The following SGCD variants were observed in gnomAD, a reference collection of about 807,000 sequenced individuals.
SGCD encodes delta-sarcoglycan.
SGCD carries 18 observed loss-of-function variants against 36.6 expected under a neutral mutation model. That is an observed-to-expected ratio of 0.49 (90% CI 0.34 to 0.73). The LOEUF (loss-of-function observed/expected upper bound fraction) is 0.73. SGCD is among the 30% of genes least tolerant of loss of function. The probability of loss-of-function intolerance (pLI) is 0.01; values close to 1 mark genes in which losing one functional copy is unlikely to be tolerated. For synonymous variants in SGCD, 133 were observed against 130.6 expected (o/e 1.02, Z -0.12); for missense variants, 387 against 346.7 (o/e 1.12, Z -0.92).
intron 7 of SGCD, among the ~76,000 whole-genome samples, chr5:156,653,493 C>CTGTTTTTTTTTTTTTTTT (rs1763544872): frequency 6.2e-5 from 3 of 48,082 alleles, no homozygotes; most frequent in Non-Finnish European, 8.0e-5. Flanking sequence ...CTAAAGCTTG[C>CTGTTTTTTTTTTTTTTTT]TTTTTTTTTT....
At chr5:156,327,572 G>C (rs1422997916) in intron 1 of SGCD, among the ~76,000 whole-genome samples, 1 of 152,180 alleles carries the variant, frequency 6.6e-6, no homozygotes, top group Admixed American at 6.5e-5. Context: ...CCGTTCACTG[G>C]CAAGGAAGAT....
intron 7 of SGCD, among the ~76,000 whole-genome samples, chr5:156,745,234 C>G (rs1756890779): frequency 6.6e-6 from 1 of 152,156 alleles, no homozygotes; most frequent in African/African-American, 2.4e-5. Context: ...CCCTTCCACT[C>G]AGAGGACTAC....
chr5:156,559,055 G>A (rs1382872453), intron 4 of SGCD, among the ~76,000 whole-genome samples: 2 of 152,142 alleles, frequency 1.3e-5, no homozygotes, highest in Non-Finnish European at 2.9e-5. Flanking sequence ...TGAGTTGAAC[G>A]CCAGCTCTAC....
the SGCD span, among the ~76,000 whole-genome samples, chr5:155,776,972 A>G: frequency 6.6e-6 from 1 of 152,156 alleles, no homozygotes; most frequent in African/African-American, 2.4e-5. Flanking sequence ...GCAACCTTAT[A>G]AAAACACTAC....
chr5:155,824,276 T>TA, the SGCD span, among the ~76,000 whole-genome samples: 9 of 152,228 alleles, frequency 5.9e-5, no homozygotes, highest in African/African-American at 1.9e-4. Context: ...TTTCACTTGA[T>TA]AAGTTGCCTC....
intron 4 of SGCD, among the ~76,000 whole-genome samples, chr5:156,521,165 AT>A (rs1257459885): frequency 3.3e-5 from 5 of 152,178 alleles, no homozygotes; most frequent in Non-Finnish European, 7.3e-5. Flanking sequence ...GAAAATTGAA[AT>A]TGGACCCCTT....
chr5:156,404,002 T>C (rs999585776), intron 3 of SGCD, among the ~76,000 whole-genome samples: 3 of 151,982 alleles, frequency 2.0e-5, no homozygotes, highest in African/African-American at 7.3e-5. Flanking sequence ...GCCCAGCTAA[T>C]GTTTGTATTT....
chr5:156,469,593 C>T (rs1037371445), intron 3 of SGCD, among the ~76,000 whole-genome samples: 5 of 152,150 alleles, frequency 3.3e-5, no homozygotes, highest in Non-Finnish European at 7.4e-5. Flanking sequence ...CACCATGGGG[C>T]AGAAATACAA....
At chr5:155,914,484 A>AT (rs954107379) in intron 1 of SGCD, among the ~76,000 whole-genome samples, 1 of 152,152 alleles carries the variant, frequency 6.6e-6, no homozygotes, top group African/African-American at 2.4e-5. Context: ...TAGAAGTGTA[A>AT]TAAGGTCTAT....
chr5:156,423,407 TATA>T (rs1364470647), intron 3 of SGCD, among the ~76,000 whole-genome samples: 4 of 121,724 alleles, frequency 3.3e-5, no homozygotes, highest in East Asian at 4.2e-4. Flanking sequence ...TTTATTATAA[TATA>T]ATATATTATA....
At chr5:156,225,054 G>C (rs2127647674) in intron 3 of SGCD, among the ~76,000 whole-genome samples, 1 of 152,170 alleles carries the variant, frequency 6.6e-6, no homozygotes, top group South Asian at 2.1e-4. Context: ...CTCTGAAATA[G>C]AAACGTGAAT....
At chr5:156,315,670 C>T (rs542774872) in intron 3 of SGCD, among the ~76,000 whole-genome samples, 2 of 151,938 alleles carry the variant, frequency 1.3e-5, no homozygotes, top group East Asian at 3.9e-4. Context: ...TTTACTTTCC[C>T]ATCAGCAATA....
At chr5:155,792,017 G>C in the SGCD span, among the ~76,000 whole-genome samples, 1 of 152,098 alleles carries the variant, frequency 6.6e-6, no homozygotes, top group South Asian at 2.1e-4. Context: ...ATACTATAAG[G>C]CTATAATAAC....
chr5:156,752,954 G>C (rs1757203548), intron 7 of SGCD, among the ~76,000 whole-genome samples: 1 of 151,926 alleles, frequency 6.6e-6, no homozygotes, highest in Non-Finnish European at 1.5e-5. Flanking sequence ...CTTTCTCATG[G>C]GTTACTCACT....
chr5:156,110,149 A>G (rs181084850), intron 1 of SGCD, among the ~76,000 whole-genome samples: 16 of 152,302 alleles, frequency 1.1e-4, no homozygotes, highest in South Asian at 1.0e-3. Context: ...TCCAGAGCCA[A>G]GCCTCCTTGA....
At chr5:156,684,030 T>C (rs1328508567) in intron 7 of SGCD, among the ~76,000 whole-genome samples, 1 of 152,244 alleles carries the variant, frequency 6.6e-6, no homozygotes, top group African/African-American at 2.4e-5. Context: ...TGTAGATTCA[T>C]AAGCCAGGGA....
At chr5:156,575,651 T>C (rs1165589471) in intron 4 of SGCD, among the ~76,000 whole-genome samples, 2 of 152,200 alleles carry the variant, frequency 1.3e-5, no homozygotes, top group African/African-American at 4.8e-5. Context: ...TTCCTGGTTT[T>C]AAAGAGATAA....
intron 3 of SGCD, among the ~76,000 whole-genome samples, chr5:156,155,048 A>T (rs1476185042): frequency 6.6e-6 from 1 of 151,734 alleles, no homozygotes; most frequent in Non-Finnish European, 1.5e-5. Flanking sequence ...TTGCAACATC[A>T]TAGAACAATG....
rs117021244 is a variant in SGCD at position 156,408,332 on chromosome 5, G to A, written c.192+63655G>A. ...TGAAAAGCCTGGTTTAACCTAATCG[G>A]GCTCCTGTGGAGGAACCCAAGTTGG... On this transcript the variant is annotated intron_variant, in intron 3 of 8. Transcript: ENST00000337851. Among the ~76,000 whole-genome samples, 213 of 152,024 alleles carry A rather than the reference G, an allele frequency of 1.4e-3. 4 individuals are homozygous for A. In the East Asian group the frequency reaches 0.034, roughly 25 times the overall value.
Sources: gnomAD v4.1 joint callset for allele counts (sites outside exome capture counted in the v4.1 genomes callset) on GRCh38, gnomAD v4.1.1 for gene constraint, MANE v1.5 for transcripts, NCBI Gene and HGNC (gene_info 2026-07-23, HGNC 2026-07-21) for gene names.